PCDHGA7: variants seen among roughly 807,000 people sequenced by gnomAD.
PCDHGA7 encodes protocadherin gamma-A7.
PCDHGA7 carries 44 observed loss-of-function variants against 58.3 expected under a neutral mutation model. The observed-to-expected ratio is 0.75, with a 90% CI of 0.59 to 0.97. The LOEUF is 0.97. PCDHGA7 is among the 50% of genes least tolerant of loss of function. The pLI, the probability that PCDHGA7 is intolerant of heterozygous loss-of-function variation, is 0.00. For missense variants in PCDHGA7, 1,266 were observed against 1,188.7 expected, an observed-to-expected ratio of 1.06 and a Z score of -0.96; for synonymous variants, 516 against 504.2, an observed-to-expected ratio of 1.02 and a Z score of -0.31.
chr5:141,388,992 C>T (rs1310959225), intron 1 of PCDHGA7: 3 of 1,613,834 alleles, frequency 1.9e-6, no homozygotes, highest in African/African-American at 1.3e-5. Flanking sequence ...GCTCAAAGTC[C>T]GTGACAAGGA....
At chr5:141,408,473 G>A (rs2095117243) in intron 1 of PCDHGA7, 5 of 1,613,952 alleles carry the variant, frequency 3.1e-6, no homozygotes, top group African/African-American at 1.3e-5. Flanking sequence ...GAACCGAATA[G>A]ACCGTGAGCA....
intron 1 of PCDHGA7, among the ~76,000 whole-genome samples, chr5:141,448,831 G>C (rs985602153): frequency 4.6e-5 from 7 of 152,096 alleles, no homozygotes; most frequent in Non-Finnish European, 7.4e-5. Flanking sequence ...TGTAGTCCCA[G>C]CTACTCTGGA....
chr5:141,392,750 G>A lies in PCDHGA7; in HGVS notation c.2424+7427G>A, dbSNP rs561923783. On this transcript the variant is annotated intron_variant, in intron 1 of 3. Coordinates refer to ENST00000518325, the MANE Select transcript of PCDHGA7 (RefSeq NM_018920.4). ...ATTGTCATCTCCATAGCTGCGGCAAGAAACTAAATAAGACCCATTTATGCA... is the reference window on the plus strand; with the variant it reads ...ATTGTCATCTCCATAGCTGCGGCAAAAAACTAAATAAGACCCATTTATGCA... 25 of 1,451,824 alleles carry A rather than the reference G, an allele frequency of 1.7e-5. No homozygotes were observed. In the Admixed American group the frequency reaches 4.2e-4, roughly 24 times the overall value. The allele number at this position is 1,451,824 out of a possible 1,614,324, so 89.9% of individuals were successfully genotyped here.
At chr5:141,464,931 G>T (rs2099093694) in intron 1 of PCDHGA7, among the ~76,000 whole-genome samples, 1 of 151,942 alleles carries the variant, frequency 6.6e-6, no homozygotes, top group Non-Finnish European at 1.5e-5. Context: ...GTAGAGATGT[G>T]AGGTCTCACT....
At chr5:141,497,983 C>T (rs2099780927) in intron 2 of PCDHGA7, among the ~76,000 whole-genome samples, 1 of 152,168 alleles carries the variant, frequency 6.6e-6, no homozygotes, top group African/African-American at 2.4e-5. Context: ...GTGGGAGGCC[C>T]CTGCCCTCAA....
intron 1 of PCDHGA7, chr5:141,478,198 A>G (rs1393603398): frequency 6.2e-7 from 1 of 1,613,864 alleles, no homozygotes; most frequent in East Asian, 2.2e-5. Flanking sequence ...CCTTTTATCT[A>G]CTTCTTTCTC....
Position 141,383,007 on chromosome 5 carries a change from G to T in PCDHGA7, c.108G>T (p.Ser36=), listed in dbSNP as rs1047921009. 6.2e-7 allele frequency: 1 copy of T among 1,613,748 alleles called. No homozygotes were observed. Among genetic ancestry groups the T allele is most frequent in the Admixed American group, 1.7e-5 (1 of 60,028 alleles). Residue 36 remains serine (S), a synonymous_variant, in exon 1 of 4, where the codon TCG becomes TCT. Transcript: ENST00000518325. ...CAGGACGTATTCTCTACTCCGTGTC[G>T]GAGGAGACGGACAAAGGGTCCTTTG... ...AWAGRILYSV[S]EETDKGSFVG...
chr5:141,394,915 CCT>C, intron 1 of PCDHGA7: 1 of 1,613,774 alleles, frequency 6.2e-7, no homozygotes, highest in South Asian at 1.1e-5. Flanking sequence ...GCTGCCATCT[CCT>C]GTGTCTTCCT....
chr5:141,411,859 C>CA (rs553337516), intron 1 of PCDHGA7: 8,585 of 145,752 alleles, frequency 0.059, 330 homozygotes, highest in Non-Finnish European at 0.088. Context: ...GACCCTGTCT[C>CA]AAAAAAAAAA....
chr5:141,510,910 A>C (rs780792326), intron 3 of PCDHGA7, 37 bp from the exon 4 acceptor site: 4 of 1,613,740 alleles, frequency 2.5e-6, no homozygotes, highest in Admixed American at 3.3e-5. Flanking sequence ...GAGGACCCTA[A>C]GTTTAGCTCC....
intron 1 of PCDHGA7, chr5:141,388,960 A>C: frequency 1.2e-6 from 2 of 1,614,038 alleles, no homozygotes; most frequent in Non-Finnish European, 1.7e-6. Context: ...GAGGACGCCG[A>C]GCTGGGAACA....
rs1483422462 is a variant in PCDHGA7 at position 141,383,586 on chromosome 5, G to A, written c.687G>A (p.Gln229=). Reference sequence around the variant, plus strand: ...CCCGATCCAGCACCGCCCACATCCAGGTGACAGTGGTGGATGTGAATGACC... The same window carrying A: ...CCCGATCCAGCACCGCCCACATCCAAGTGACAGTGGTGGATGTGAATGACC... ...DPPRSSTAHI[Q]VTVVDVNDHT... is the part of the protein sequence containing the mutation. The change falls in exon 1 of 4, where the codon CAG becomes CAA. Residue 229 remains glutamine, a synonymous_variant. Transcript: ENST00000518325. 1 of 1,613,654 alleles carries A rather than the reference G, an allele frequency of 6.2e-7. No homozygotes were observed. Among genetic ancestry groups the A allele is most frequent in the Admixed American group, 1.7e-5 (1 of 59,988 alleles).
Position 141,487,548 on chromosome 5 carries a change from G to T in PCDHGA7, c.2425-7259G>T. The T allele has an allele frequency of 6.2e-7, 1 of 1,614,190 alleles. No homozygotes were observed. Among genetic ancestry groups the T allele is most frequent in the Non-Finnish European group, 8.5e-7 (1 of 1,180,038 alleles). ...AGCTTCATGATGGTGAAGTCACCCA[G>T]TGCACCTATGGCAGGGGAGCCTGTT... is the stretch of plus-strand genomic sequence containing the variant. On this transcript the variant is annotated intron_variant, in intron 1 of 3. Coordinates refer to ENST00000518325, the MANE Select transcript of PCDHGA7 (RefSeq NM_018920.4). The surrounding 1 kb of genome is among the most constrained non-coding windows in gnomAD (Gnocchi z 5.0).
At chr5:141,475,889 T>C in intron 1 of PCDHGA7, 1 of 562,248 alleles carries the variant, frequency 1.8e-6, no homozygotes, top group Non-Finnish European at 3.1e-6. Context: ...GCTGGGACTC[T>C]GTGTGCCGCT....
chr5:141,447,433 C>G (rs756021616), intron 1 of PCDHGA7, among the ~76,000 whole-genome samples: 1 of 152,118 alleles, frequency 6.6e-6, no homozygotes. Context: ...CCACCGCACC[C>G]GGAGGAAATT....
intron 1 of PCDHGA7, chr5:141,427,871 GA>G: frequency 6.4e-7 from 1 of 1,559,532 alleles, no homozygotes; most frequent in Non-Finnish European, 8.8e-7. Context: ...TCGAGCTCAC[GA>G]TGCAGGCCCA....
chr5:141,508,824 G>A (rs893436748), intron 3 of PCDHGA7, among the ~76,000 whole-genome samples: 9 of 151,952 alleles, frequency 5.9e-5, no homozygotes, highest in Admixed American at 3.3e-4. Flanking sequence ...CCAGATCTGG[G>A]CCCCCCTCCC....
intron 1 of PCDHGA7, chr5:141,403,178 T>C (rs1294905670): frequency 6.2e-7 from 1 of 1,613,980 alleles, no homozygotes; most frequent in Middle Eastern, 1.7e-4. Flanking sequence ...GCAGCTTTTC[T>C]CTCTGAACCC....
rs544678317 is a variant in PCDHGA7, at chr5:141,430,911, A to C, written c.2424+45588A>C. The C allele has an allele frequency of 1.9e-5, 31 of 1,607,958 alleles. No homozygotes were observed. The Admixed American group carries it at 2.2e-4, about 11-fold the overall frequency. ...TCTAGGGTGGGCGACATCTCCAGGG[A>C]CCTGGGGCTGGAGCCCCGGGAGCTC... On this transcript the variant is annotated intron_variant, in intron 1 of 3. Transcript: ENST00000518325.
Sources: allele counts gnomAD v4.1 joint callset (sites outside exome capture counted in the v4.1 genomes callset), GRCh38; gene constraint gnomAD v4.1.1; non-coding constraint Gnocchi (gnomAD v3.1); transcripts MANE v1.5; gene names NCBI Gene and HGNC (gene_info 2026-07-23, HGNC 2026-07-21).